Variants in PRKN observed in about 807,000 individuals in gnomAD.
PRKN encodes parkin RBR E3 ubiquitin protein ligase.
A neutral mutation model predicts 59.5 loss-of-function variants in PRKN; 56 were observed. The observed-to-expected ratio is 0.94, with a 90% CI of 0.76 to 1.18. The LOEUF (loss-of-function observed/expected upper bound fraction) is 1.18, where lower values mean the gene tolerates loss of function less well. Ranked by LOEUF, PRKN falls within the 50% of genes most tolerant of loss-of-function variation. The pLI is 0.00. For missense variants in PRKN, 657 were observed against 596.4 expected (o/e 1.10, Z -1.06); for synonymous variants, 250 against 222.1 (o/e 1.13, Z -1.12).
At chr6:161,931,238 C>A (rs1779160323) in intron 6 of PRKN, among the ~76,000 whole-genome samples, 1 of 152,186 alleles carries the variant, frequency 6.6e-6, no homozygotes, top group Middle Eastern at 3.4e-3. Flanking sequence ...GAGTTTGAGG[C>A]CAGCCTAGTC....
At chr6:162,411,668 A>G (rs1788360384) in intron 2 of PRKN, among the ~76,000 whole-genome samples, 1 of 152,188 alleles carries the variant, frequency 6.6e-6, no homozygotes, top group African/African-American at 2.4e-5. Context: ...ATTAAGGATC[A>G]GGTTTTTCTT....
chr6:162,228,021 A>G (rs1391097925), intron 3 of PRKN, among the ~76,000 whole-genome samples: 1 of 152,140 alleles, frequency 6.6e-6, no homozygotes, highest in Non-Finnish European at 1.5e-5. Flanking sequence ...TTGGTGGTGA[A>G]TGTGCAGACA....
intron 1 of PRKN, among the ~76,000 whole-genome samples, chr6:162,468,825 T>C (rs923822361): frequency 6.6e-6 from 1 of 152,210 alleles, no homozygotes; most frequent in Non-Finnish European, 1.5e-5. Flanking sequence ...GACATTATTT[T>C]TAAATTAATA....
intron 4 of PRKN, among the ~76,000 whole-genome samples, chr6:162,095,806 C>T (rs984835219): frequency 6.6e-6 from 1 of 152,106 alleles, no homozygotes; most frequent in Non-Finnish European, 1.5e-5. Context: ...TTGTATCCTG[C>T]ATAGCTTTGA....
intron 1 of PRKN, among the ~76,000 whole-genome samples, chr6:162,546,625 G>A (rs527971183): frequency 6.6e-6 from 1 of 151,768 alleles, no homozygotes; most frequent in South Asian, 2.1e-4. Flanking sequence ...TGTATTTTTA[G>A]TTGAGATGGG....
intron 1 of PRKN, among the ~76,000 whole-genome samples, chr6:162,498,702 A>T (rs760836710): frequency 2.6e-4 from 40 of 151,698 alleles, no homozygotes; most frequent in African/African-American, 9.2e-4. Flanking sequence ...AAGTGACTGA[A>T]TCCTGGAAAT....
intron 1 of PRKN, among the ~76,000 whole-genome samples, chr6:162,598,062 C>T (rs1781560503): frequency 6.6e-6 from 1 of 152,142 alleles, no homozygotes; most frequent in African/African-American, 2.4e-5. Flanking sequence ...ATTCATTTCA[C>T]TGTGAATTAA....
intron 1 of PRKN, among the ~76,000 whole-genome samples, chr6:162,645,047 G>A (rs778041653): frequency 1.3e-5 from 2 of 151,948 alleles, no homozygotes; most frequent in Non-Finnish European, 2.9e-5. Flanking sequence ...TTTTCTTTCC[G>A]TGGCTTATTA....
At chr6:161,481,904 G>C (rs949025692) in intron 9 of PRKN, among the ~76,000 whole-genome samples, 2 of 150,900 alleles carry the variant, frequency 1.3e-5, no homozygotes, top group Non-Finnish European at 3.0e-5. Flanking sequence ...AGTAAAGAAG[G>C]AAGGAAGGGA....
chr6:161,633,050 CT>C (rs994879833), intron 7 of PRKN, among the ~76,000 whole-genome samples: 74 of 152,216 alleles, frequency 4.9e-4, no homozygotes, highest in African/African-American at 1.7e-3. Context: ...CTATTCCAGG[CT>C]TTGCTGTACA....
chr6:161,832,284 A>G (rs1181635092), intron 6 of PRKN, among the ~76,000 whole-genome samples: 1 of 152,182 alleles, frequency 6.6e-6, no homozygotes, highest in Non-Finnish European at 1.5e-5. Context: ...ACTTTCTTGA[A>G]TAGAAGTATG....
At chr6:161,668,663 T>C (rs1784805852) in intron 7 of PRKN, among the ~76,000 whole-genome samples, 1 of 152,168 alleles carries the variant, frequency 6.6e-6, no homozygotes, top group Admixed American at 6.5e-5. Context: ...AGGCCTGGGA[T>C]GGTTTCTTTT....
intron 2 of PRKN, among the ~76,000 whole-genome samples, chr6:162,430,674 T>A (rs1789478596): frequency 6.6e-6 from 1 of 151,990 alleles, no homozygotes; most frequent in Non-Finnish European, 1.5e-5. Flanking sequence ...TAAAAATAAA[T>A]TACAGGCCAC....
chr6:161,777,261 T>G (rs1018679474), intron 7 of PRKN, among the ~76,000 whole-genome samples: 3 of 152,176 alleles, frequency 2.0e-5, no homozygotes, highest in Non-Finnish European at 1.5e-5. Context: ...TTTAGGGAAA[T>G]AAAATTTCAT....
chr6:162,044,858 G>A (rs918917519), intron 5 of PRKN, among the ~76,000 whole-genome samples: 100 of 152,190 alleles, frequency 6.6e-4, no homozygotes, highest in African/African-American at 2.4e-3. Flanking sequence ...CTTTCTATGC[G>A]TGTTTCACAT....
chr6:161,794,435 C>T (rs909116783), intron 6 of PRKN, among the ~76,000 whole-genome samples: 44 of 152,086 alleles, frequency 2.9e-4, no homozygotes, highest in African/African-American at 1.1e-3. Flanking sequence ...AGGCTGTCTC[C>T]ATCCCCTCTT....
intron 9 of PRKN, among the ~76,000 whole-genome samples, chr6:161,534,212 C>A (rs527482290): frequency 6.6e-6 from 1 of 152,276 alleles, no homozygotes; most frequent in Admixed American, 6.5e-5. Context: ...GTGTTCTCTG[C>A]AGCTGCCTAG....
intron 1 of PRKN, among the ~76,000 whole-genome samples, chr6:162,532,930 C>T (rs374135087): frequency 2.6e-4 from 39 of 152,304 alleles, no homozygotes; most frequent in African/African-American, 9.1e-4. Context: ...TTCTAAGTCG[C>T]CTTTAATAAA....
At position 161,473,657 on chromosome 6, in the gene PRKN, T is replaced by C. The variant is rs1487272316; in HGVS notation, c.1083+75197A>G. ...TAGGACAAATATTCTAGAAATGTAC[T>C]AGAGGACTATAATTATAATATTGTA... On this transcript the variant is annotated intron_variant, in intron 9 of 11. Transcript: ENST00000366898. The surrounding 1 kb of genome is among the most constrained non-coding windows in gnomAD (Gnocchi z 4.1). Among the ~76,000 whole-genome samples, 4 of 148,444 alleles carry C rather than the reference T, an allele frequency of 2.7e-5. No homozygotes were observed. In the South Asian group the frequency reaches 8.3e-4, roughly 31 times the overall value.
Sources: allele counts gnomAD v4.1 joint callset (sites outside exome capture counted in the v4.1 genomes callset), GRCh38; gene constraint gnomAD v4.1.1; non-coding constraint Gnocchi (gnomAD v3.1); transcripts MANE v1.5; gene names NCBI Gene and HGNC (gene_info 2026-07-23, HGNC 2026-07-21).